Variants in PCDH9 observed in about 807,000 individuals in gnomAD.
PCDH9 encodes protocadherin-9.
In PCDH9, 24 loss-of-function variants were observed where a neutral mutation model predicts 70.6. The observed-to-expected ratio is 0.34, with a 90% CI of 0.25 to 0.48. The LOEUF is 0.48. PCDH9 is among the 20% of genes least tolerant of loss of function. The probability of loss-of-function intolerance (pLI) is 0.99; values close to 1 mark genes in which losing one functional copy is unlikely to be tolerated. For synonymous variants in PCDH9, 562 were observed against 558.5 expected (o/e 1.01, Z -0.09); for missense variants, 1,281 against 1,503.6 (o/e 0.85, Z 2.45).
At chr13:67,022,535 CT>C (rs2084699134) in intron 2 of PCDH9, among the ~76,000 whole-genome samples, 1 of 152,198 alleles carries the variant, frequency 6.6e-6, no homozygotes, top group African/African-American at 2.4e-5. Flanking sequence ...TATTTTGCTA[CT>C]TTTCCTTTTA....
At chr13:66,319,274 CAT>C (rs1955708816) in intron 4 of PCDH9, among the ~76,000 whole-genome samples, 1 of 152,152 alleles carries the variant, frequency 6.6e-6, no homozygotes, top group East Asian at 1.9e-4. Flanking sequence ...CCTTCCTCGA[CAT>C]GTGAGGATTA....
At chr13:66,517,830 A>G (rs1959810093) in intron 4 of PCDH9, among the ~76,000 whole-genome samples, 1 of 152,158 alleles carries the variant, frequency 6.6e-6, no homozygotes, top group Non-Finnish European at 1.5e-5. Flanking sequence ...TTGTGCTGCA[A>G]TAAACTTACT....
chr13:66,555,419 G>GAA lies in PCDH9; in HGVS notation c.3340+75789_3340+75790dup, dbSNP rs4053724. 2.6e-3 allele frequency among the ~76,000 whole-genome samples: 379 copies of GAA among 143,502 alleles called. 2 individuals are homozygous for GAA. Among genetic ancestry groups the GAA allele is most frequent in the African/African-American group, 4.4e-3 (172 of 39,510 alleles). 94.1% of individuals were successfully genotyped at this position (143,502 alleles called of 152,430 possible). A position where few individuals can be genotyped will look rare whatever the true frequency, so the allele number is the denominator to read the frequency against. On this transcript the variant is annotated intron_variant, in intron 4 of 4. Transcript: ENST00000377865. The stretch of plus-strand genomic sequence containing the variant: ...ATCTGAATAGTGGCTACATTCTGGG[G>GAA]AAAAAAAAAAAAAGCAATATATGTT...
intron 4 of PCDH9, among the ~76,000 whole-genome samples, chr13:66,307,424 G>T (rs1955486915): frequency 6.6e-6 from 1 of 152,016 alleles, no homozygotes; most frequent in Non-Finnish European, 1.5e-5. Context: ...AATAGAAGAC[G>T]CTGATTTCAC....
chr13:66,597,523 C>A (rs192580268), intron 4 of PCDH9, among the ~76,000 whole-genome samples: 355 of 151,840 alleles, frequency 2.3e-3, no homozygotes, highest in African/African-American at 8.2e-3. Flanking sequence ...GACTGGACAT[C>A]CACATGCAAA....
chr13:66,335,877 T>C (rs556326457), intron 4 of PCDH9, among the ~76,000 whole-genome samples: 23 of 152,232 alleles, frequency 1.5e-4, no homozygotes, highest in African/African-American at 5.5e-4. Context: ...GAGCATGGTT[T>C]CCGGAGGCCC....
intron 3 of PCDH9, among the ~76,000 whole-genome samples, chr13:66,652,303 T>C: frequency 6.6e-6 from 1 of 152,196 alleles, no homozygotes; most frequent in Middle Eastern, 3.4e-3. Flanking sequence ...AAAATTAATA[T>C]ATAGAAATCA....
At chr13:66,948,534 GA>G (rs34932446) in intron 2 of PCDH9, among the ~76,000 whole-genome samples, 33 of 147,690 alleles carry the variant, frequency 2.2e-4, no homozygotes, top group African/African-American at 6.7e-4. Context: ...TAGTGATACA[GA>G]AAAAAAAAAT....
intron 3 of PCDH9, among the ~76,000 whole-genome samples, chr13:66,698,783 A>G (rs1181812550): frequency 6.6e-6 from 1 of 151,352 alleles, no homozygotes; most frequent in East Asian, 1.9e-4. Context: ...GGGGCTCACA[A>G]TCTTGCCTGG....
intron 3 of PCDH9, among the ~76,000 whole-genome samples, chr13:66,667,291 T>C (rs2078109172): frequency 6.6e-6 from 1 of 152,156 alleles, no homozygotes; most frequent in African/African-American, 2.4e-5. Context: ...GAAAGCTCTT[T>C]CCAGTCACAA....
intron 3 of PCDH9, among the ~76,000 whole-genome samples, chr13:66,704,510 A>G (rs2139115282): frequency 6.6e-6 from 1 of 152,344 alleles, no homozygotes; most frequent in South Asian, 2.1e-4. Context: ...AAATGAAAAA[A>G]GAATGACAAT....
chr13:66,386,658 T>C (rs1157865469), intron 4 of PCDH9, among the ~76,000 whole-genome samples: 4 of 152,266 alleles, frequency 2.6e-5, no homozygotes, highest in Non-Finnish European at 4.4e-5. Flanking sequence ...ATGGGGTCCA[T>C]AGAAATATTC....
At chr13:67,225,176 A>T in intron 2 of PCDH9, 1 of 1,376,310 alleles carries the variant, frequency 7.3e-7, no homozygotes, top group Non-Finnish European at 9.4e-7. Flanking sequence ...ATCTTTTGCC[A>T]TTTGAAGGAA....
intron 4 of PCDH9, among the ~76,000 whole-genome samples, chr13:66,539,735 A>T (rs1960863446): frequency 6.6e-6 from 1 of 152,110 alleles, no homozygotes; most frequent in Non-Finnish European, 1.5e-5. Flanking sequence ...TTATTTTTGT[A>T]AACACAAAAA....
At chr13:66,726,151 A>T (rs1027250039) in intron 3 of PCDH9, among the ~76,000 whole-genome samples, 1 of 152,154 alleles carries the variant, frequency 6.6e-6, no homozygotes, top group Non-Finnish European at 1.5e-5. Flanking sequence ...AGGGAGAAAG[A>T]GGAGACATAC....
At chr13:66,825,718 C>T (rs2080812354) in intron 3 of PCDH9, among the ~76,000 whole-genome samples, 1 of 152,126 alleles carries the variant, frequency 6.6e-6, no homozygotes, top group South Asian at 2.1e-4. Context: ...TAAAAGTAGG[C>T]ATGTTTCAAA....
chr13:66,925,996 G>T (rs2082711811), intron 2 of PCDH9, among the ~76,000 whole-genome samples: 1 of 151,904 alleles, frequency 6.6e-6, no homozygotes, highest in Non-Finnish European at 1.5e-5. Flanking sequence ...AATAACCAAA[G>T]TATGAGTTTA....
chr13:66,498,344 C>T (rs1461813235), intron 4 of PCDH9, among the ~76,000 whole-genome samples: 1 of 151,856 alleles, frequency 6.6e-6, no homozygotes, highest in Non-Finnish European at 1.5e-5. Flanking sequence ...GGGGTTTCAC[C>T]GTGTTAGCCA....
intron 3 of PCDH9, among the ~76,000 whole-genome samples, chr13:66,803,869 T>C (rs917955036): frequency 1.1e-4 from 16 of 152,162 alleles, no homozygotes; most frequent in Admixed American, 6.6e-5. Context: ...ATCCACAGAA[T>C]ATGAAGTTGC....
Sources: gnomAD v4.1 joint callset for allele counts (sites outside exome capture counted in the v4.1 genomes callset) on GRCh38, gnomAD v4.1.1 for gene constraint, MANE v1.5 for transcripts, NCBI Gene and HGNC (gene_info 2026-07-23, HGNC 2026-07-21) for gene names.